Variants in NFAM1 observed in about 807,000 individuals in gnomAD.
NFAM1 encodes NFAT activation molecule 1.
NFAM1 carries 17 observed loss-of-function variants against 29.0 expected under a neutral mutation model. The observed-to-expected ratio is 0.59, with a 90% confidence interval of 0.40 to 0.88. NFAM1 has a LOEUF of 0.88. NFAM1 is among the 40% of genes least tolerant of loss of function. The pLI is 0.00. For missense variants in NFAM1, 324 were observed against 344.6 expected (o/e 0.94, Z 0.47); for synonymous variants, 175 against 147.2 (o/e 1.19, Z -1.36).
chr22:42,406,736 C>T (rs2147104527), intron 3 of NFAM1, among the ~76,000 whole-genome samples: 1 of 152,326 alleles, frequency 6.6e-6, no homozygotes, highest in East Asian at 1.9e-4. Context: ...CTCGCCTCAA[C>T]AGGAATGCCA....
intron 4 of NFAM1, 149 bp from the exon 5 acceptor site, chr22:42,387,227 T>G: frequency 2.0e-6 from 1 of 497,986 alleles, no homozygotes; most frequent in Non-Finnish European, 3.5e-6. Context: ...TGCCACCCCC[T>G]TTCCCAGAGT....
chr22:42,394,689 A>G (rs1379677354), intron 4 of NFAM1, among the ~76,000 whole-genome samples: 1 of 152,216 alleles, frequency 6.6e-6, no homozygotes, highest in Non-Finnish European at 1.5e-5. Flanking sequence ...CCACCCAAAG[A>G]AGGAAGACTA....
chr22:42,397,522 T>A (rs886546064), intron 4 of NFAM1, among the ~76,000 whole-genome samples: 4 of 152,218 alleles, frequency 2.6e-5, no homozygotes, highest in African/African-American at 9.6e-5. Flanking sequence ...TGGTAAGAGC[T>A]GTTTGGTCAG....
At chr22:42,400,835 G>A (rs1270433474) in intron 3 of NFAM1, among the ~76,000 whole-genome samples, 1 of 152,252 alleles carries the variant, frequency 6.6e-6, no homozygotes, top group African/African-American at 2.4e-5. Context: ...CCTAGTGTCT[G>A]TCTCTTCGCT....
At chr22:42,413,952 G>T (rs1169415610) in intron 1 of NFAM1, among the ~76,000 whole-genome samples, 1 of 152,052 alleles carries the variant, frequency 6.6e-6, no homozygotes, top group Non-Finnish European at 1.5e-5. Flanking sequence ...TACTCAGGAG[G>T]CTGAGGCAGG....
rs1442259953 is a variant in NFAM1, at chr22:42,411,599, G to T, written c.259C>A (p.Leu87Ile). ...VFTVSYFHEDLQGQRSPKKPT... is the reference protein window; with the variant it reads ...VFTVSYFHEDIQGQRSPKKPT... ...TTCTTAGGGCTCCTCTGTCCCTGGAGATCTTCATGAAAGTAGCTGACTGTG... is the reference window on the plus strand; with the variant it reads ...TTCTTAGGGCTCCTCTGTCCCTGGATATCTTCATGAAAGTAGCTGACTGTG... The change falls in exon 2 of 6, where the codon CTC (leucine) becomes ATC (isoleucine). Residue 87 changes from leucine (L) to isoleucine (I), a missense_variant. By Grantham distance (5) the Leu-to-Ile change is conservative (BLOSUM62 2). Transcript: ENST00000329021. The T allele has an allele frequency of 2.5e-6, 4 of 1,614,206 alleles. No individual in the cohort carries two copies. Among genetic ancestry groups the T allele is most frequent in the Non-Finnish European group, 2.5e-6 (3 of 1,180,018 alleles).
intron 4 of NFAM1, among the ~76,000 whole-genome samples, chr22:42,395,945 T>G (rs1929510607): frequency 6.8e-6 from 1 of 146,528 alleles, no homozygotes. Flanking sequence ...GACAAAACCT[T>G]TACCCTAAAA....
chr22:42,408,131 T>C (rs1418911750), intron 3 of NFAM1, among the ~76,000 whole-genome samples: 1 of 152,070 alleles, frequency 6.6e-6, no homozygotes. Flanking sequence ...TGACCTCAAG[T>C]GATCCACCCA....
intron 3 of NFAM1, among the ~76,000 whole-genome samples, chr22:42,407,905 T>C (rs546834820): frequency 8.6e-4 from 43 of 50,062 alleles, no homozygotes; most frequent in Middle Eastern, 0.011. Flanking sequence ...AGATTTCTCT[T>C]TTTTTTTTTT....
Position 42,384,746 on chromosome 22 carries a change from C to T in NFAM1, c.*415G>A. 4.2e-6 allele frequency: 1 copy of T among 240,572 alleles called. No individual in the cohort carries two copies. Among genetic ancestry groups the T allele is most frequent in the African/African-American group, 2.3e-5 (1 of 44,162 alleles). The allele number at this position is 240,572 out of a possible 1,614,324, so 14.9% of individuals were successfully genotyped here. A position where few individuals can be genotyped will look rare whatever the true frequency, so the allele number is the denominator to read the frequency against. On this transcript the variant is annotated 3_prime_UTR_variant, in exon 6 of 6. Transcript: ENST00000329021. ...CCCCACACAGCACTGCTAGGCGCCCCTGCAGGGTCCTCCCTCAGCTCAGAG... is the reference window on the plus strand; with the variant it reads ...CCCCACACAGCACTGCTAGGCGCCCTTGCAGGGTCCTCCCTCAGCTCAGAG...
intron 3 of NFAM1, among the ~76,000 whole-genome samples, chr22:42,401,135 GC>G (rs975400802): frequency 1.5e-4 from 23 of 152,358 alleles, no homozygotes; most frequent in Admixed American, 4.6e-4. Context: ...CCAAGAAGGG[GC>G]CCCAAGTCTG....
the NFAM1 span, among the ~76,000 whole-genome samples, chr22:42,437,623 G>A: frequency 6.6e-6 from 1 of 152,146 alleles, no homozygotes; most frequent in Non-Finnish European, 1.5e-5. Context: ...TGGCCACGCA[G>A]GACGGCCCCA....
chr22:42,411,303 G>A, intron 2 of NFAM1, 104 bp downstream of exon 2: 1 of 876,138 alleles, frequency 1.1e-6, no homozygotes, highest in South Asian at 1.6e-5. Context: ...GGATGTGTGA[G>A]CCACTGCGCC....
At chr22:42,423,112 CA>C (rs71184892) in intron 1 of NFAM1, among the ~76,000 whole-genome samples, 92 of 75,656 alleles carry the variant, frequency 1.2e-3, no homozygotes, top group Admixed American at 1.0e-3. Flanking sequence ...GACTCCATCT[CA>C]AAAAAAAAAA....
intron 4 of NFAM1, among the ~76,000 whole-genome samples, chr22:42,389,720 T>C (rs2062004992): frequency 6.9e-6 from 1 of 145,448 alleles, no homozygotes; most frequent in Admixed American, 6.7e-5. Flanking sequence ...CTGCGGCTGT[T>C]TGTCTGGGAT....
At chr22:42,397,116 C>T (rs17003024) in intron 4 of NFAM1, among the ~76,000 whole-genome samples, 16,800 of 152,210 alleles carry the variant, frequency 0.11, 1,961 homozygotes, top group African/African-American at 0.29. Flanking sequence ...ATATGTTGTT[C>T]GTGGAGCCGA....
At chr22:42,429,026 C>A (rs1225512091) in intron 1 of NFAM1, among the ~76,000 whole-genome samples, 2 of 152,102 alleles carry the variant, frequency 1.3e-5, no homozygotes, top group African/African-American at 4.8e-5. Flanking sequence ...GGTCAAGAAG[C>A]CAGAGGACAG....
rs1416536800 is a variant in NFAM1 at position 42,384,550 on chromosome 22, G to A, written c.*611C>T. On this transcript the variant is annotated 3_prime_UTR_variant, in exon 6 of 6. Coordinates refer to ENST00000329021, the MANE Select transcript of NFAM1 (RefSeq NM_145912.8). ...CTCTCAGCCATGTCCTGGGCCTCCA[G>A]ATCTGTCCCTGATCCTAGTCTTGCC... 1 of 157,862 alleles carries A rather than the reference G, an allele frequency of 6.3e-6. No individual in the cohort carries two copies. The highest frequency in any genetic ancestry group is 1.9e-4 in the South Asian group (1 of 5,282). 9.8% of individuals were successfully genotyped at this position (157,862 alleles called of 1,614,324 possible). A position where few individuals can be genotyped will look rare whatever the true frequency, so the allele number is the denominator to read the frequency against.
intron 1 of NFAM1, among the ~76,000 whole-genome samples, chr22:42,422,417 C>A (rs1446118983): frequency 1.3e-5 from 2 of 151,694 alleles, no homozygotes; most frequent in Non-Finnish European, 2.9e-5. Flanking sequence ...ACCAGACTGG[C>A]CAACATGGTG....
Sources: gnomAD v4.1 joint callset for allele counts (sites outside exome capture counted in the v4.1 genomes callset) on GRCh38, gnomAD v4.1.1 for gene constraint, MANE v1.5 for transcripts, NCBI Gene and HGNC (gene_info 2026-07-23, HGNC 2026-07-21) for gene names.